The following MYBPC1 variants were observed in gnomAD, a reference collection of about 807,000 sequenced individuals.
MYBPC1 encodes the protein myosin binding protein C1.
In MYBPC1, 52 loss-of-function variants were observed where a neutral mutation model predicts 147.1. That is an observed-to-expected ratio of 0.35 (90% confidence interval 0.28 to 0.45). The LOEUF (loss-of-function observed/expected upper bound fraction) is 0.45, where lower values mean the gene tolerates loss of function less well. Ranked by LOEUF, MYBPC1 falls within the 20% of genes least tolerant of loss-of-function variation. MYBPC1 has a pLI of 1.00. For missense variants in MYBPC1, 1,228 were observed against 1,440.3 expected, an observed-to-expected ratio of 0.85 and a Z score of 2.39; for synonymous variants, 477 against 475.9, an observed-to-expected ratio of 1.00 and a Z score of -0.03.
intron 23 of MYBPC1, among the ~76,000 whole-genome samples, 188 bp from the exon 24 acceptor site, chr12:101,670,123 CCACACACACA>C (rs58177042): frequency 3.4e-5 from 5 of 146,214 alleles, no homozygotes; most frequent in African/African-American, 7.6e-5. Context: ...TGTGTGGAAA[CCACACACACA>C]CACACACACA....
At chr12:101,661,755 G>T (rs1896583284) in intron 20 of MYBPC1, among the ~76,000 whole-genome samples, 1 of 151,788 alleles carries the variant, frequency 6.6e-6, no homozygotes, top group East Asian at 1.9e-4. Flanking sequence ...CGGGCATGGT[G>T]GTGCGCACCT....
chr12:101,639,917 T>A (rs1429801368), intron 10 of MYBPC1, among the ~76,000 whole-genome samples: 1 of 152,040 alleles, frequency 6.6e-6, no homozygotes, highest in African/African-American at 2.4e-5. Context: ...GTCTGGGGAC[T>A]ATATTTAGGC....
intron 21 of MYBPC1, among the ~76,000 whole-genome samples, chr12:101,662,884 A>G (rs1896809793): frequency 6.6e-6 from 1 of 152,202 alleles, no homozygotes; most frequent in Non-Finnish European, 1.5e-5. Context: ...ACCTGTTAAT[A>G]TAACCCAGCT....
chr12:101,682,766 A>G (rs537085131), intron 30 of MYBPC1, 104 bp downstream of exon 30: 422 of 1,106,858 alleles, frequency 3.8e-4, no homozygotes, highest in Non-Finnish European at 5.4e-4. Flanking sequence ...TTTGCTTTTA[A>G]TTGTACCCCT....
chr12:101,595,645 T>C (rs1291870323), intron 1 of MYBPC1, among the ~76,000 whole-genome samples: 3 of 152,136 alleles, frequency 2.0e-5, no homozygotes, highest in Admixed American at 1.3e-4. Flanking sequence ...AGGTTCGTTA[T>C]TAAATTCTTG....
At chr12:101,661,013 T>C (rs1271018778) in intron 19 of MYBPC1, 145 bp from the exon 20 acceptor site, 6 of 589,938 alleles carry the variant, frequency 1.0e-5, no homozygotes, top group African/African-American at 7.5e-5. Flanking sequence ...CCAAACCATA[T>C]CATAAGCATA....
chr12:101,691,128 G>A, the MYBPC1 span, among the ~76,000 whole-genome samples: 6,408 of 152,230 alleles, frequency 0.042, 227 homozygotes, highest in South Asian at 0.063. Flanking sequence ...CTGGAGTGCA[G>A]TGGCATGATC....
intron 13 of MYBPC1, 46 bp downstream of exon 13, chr12:101,646,933 C>G: frequency 6.2e-7 from 1 of 1,609,156 alleles, no homozygotes; most frequent in Non-Finnish European, 8.5e-7. Flanking sequence ...CTGTTGGCTT[C>G]TTCTCCCAGG....
At chr12:101,655,786 GT>G (rs745672817) in intron 18 of MYBPC1, among the ~76,000 whole-genome samples, 2 of 152,084 alleles carry the variant, frequency 1.3e-5, no homozygotes, top group Non-Finnish European at 2.9e-5. Flanking sequence ...AATATTAAAA[GT>G]TGTTCTTCAG....
chr12:101,687,799 C>T (rs7970952), downstream of MYBPC1, among the ~76,000 whole-genome samples: 79,289 of 151,884 alleles, frequency 0.52, 21,320 homozygotes, highest in Admixed American at 0.6. Context: ...GCTGCTTATA[C>T]GTGTATGGTT....
At chr12:101,619,552 A>G (rs1037577021) in intron 3 of MYBPC1, among the ~76,000 whole-genome samples, 7 of 152,200 alleles carry the variant, frequency 4.6e-5, no homozygotes, top group African/African-American at 1.4e-4. Flanking sequence ...TGACCATTCA[A>G]TGGTAATCTG....
intron 21 of MYBPC1, 72 bp downstream of exon 21, chr12:101,662,618 C>T: frequency 6.5e-7 from 1 of 1,526,986 alleles, no homozygotes; most frequent in Non-Finnish European, 9.1e-7. Flanking sequence ...TCTCTGATCC[C>T]TAACTGGAAC....
the MYBPC1 span, among the ~76,000 whole-genome samples, chr12:101,693,091 T>C: frequency 6.6e-6 from 1 of 151,890 alleles, no homozygotes; most frequent in South Asian, 2.1e-4. Flanking sequence ...GGACTACAGG[T>C]GCCCACCACC....
At chr12:101,644,626 C>T (rs1366499042) in intron 11 of MYBPC1, 38 bp from the exon 12 acceptor site, 1 of 1,555,214 alleles carries the variant, frequency 6.4e-7, no homozygotes, top group Non-Finnish European at 8.9e-7. Context: ...CATATGTATA[C>T]ATATATTAAC....
chr12:101,601,940 T>C (rs948923964), intron 1 of MYBPC1, among the ~76,000 whole-genome samples: 1 of 152,182 alleles, frequency 6.6e-6, no homozygotes, highest in Non-Finnish European at 1.5e-5. Context: ...ATGTTTAGAG[T>C]TAGATGTCTT....
At chr12:101,679,995 T>G (rs1950831276) in intron 28 of MYBPC1, among the ~76,000 whole-genome samples, 1 of 152,244 alleles carries the variant, frequency 6.6e-6, no homozygotes, top group African/African-American at 2.4e-5. Flanking sequence ...ATTAATACAT[T>G]CATCAGTACC....
At chr12:101,609,409 A>G (rs534810653) in intron 1 of MYBPC1, among the ~76,000 whole-genome samples, 37 of 152,110 alleles carry the variant, frequency 2.4e-4, no homozygotes, top group Non-Finnish European at 1.0e-4. Flanking sequence ...CTCCCACCTC[A>G]GCCTCCCAAG....
rs140275699 is a variant in MYBPC1, at chr12:101,667,503, TTA to T, written c.2357-226_2357-225del. ...AAGATTTTTCAGAAACAGCAGAATC[TTA>T]TAGTTTATTTTTCCTGTTATTTATG... is the stretch of plus-strand genomic sequence containing the variant. On this transcript the variant is annotated intron_variant, in intron 22 of 31. Coordinates refer to ENST00000361466, the MANE Select transcript of MYBPC1 (RefSeq NM_002465.4). Among the ~76,000 whole-genome samples the T allele has an allele frequency of 3.6e-3, 547 of 152,368 alleles. 6 individuals carry two copies. The highest frequency in any genetic ancestry group is 0.012 in the African/African-American group (509 of 41,584).
intron 22 of MYBPC1, chr12:101,666,796 A>G: frequency 6.2e-7 from 1 of 1,613,256 alleles, no homozygotes; most frequent in Non-Finnish European, 8.5e-7. Context: ...ATGATCTGCC[A>G]GGTAAAGTAT....
Sources: gnomAD v4.1 joint callset for allele counts (sites outside exome capture counted in the v4.1 genomes callset) on GRCh38, gnomAD v4.1.1 for gene constraint, MANE v1.5 for transcripts, NCBI Gene and HGNC (gene_info 2026-07-23, HGNC 2026-07-21) for gene names.